PHIP: variants seen among roughly 807,000 people sequenced by gnomAD.
PHIP encodes the protein PHIP subunit of CUL4-Ring ligase complex.
PHIP carries 54 observed loss-of-function variants against 236.8 expected under a neutral mutation model. That is an observed-to-expected ratio of 0.23 (90% CI 0.18 to 0.29). The LOEUF (loss-of-function observed/expected upper bound fraction) is 0.29. Among genes scored for constraint, PHIP ranks in the 10% least tolerant of loss-of-function variants. The probability of loss-of-function intolerance (pLI) is 1.00; values close to 1 mark genes in which losing one functional copy is unlikely to be tolerated. For synonymous variants in PHIP, 756 were observed against 718.9 expected (o/e 1.05, Z -0.83); for missense variants, 1,370 against 2,190.8 (o/e 0.63, Z 7.48).
intron 15 of PHIP, among the ~76,000 whole-genome samples, chr6:79,005,667 GA>G (rs944338994): frequency 2.0e-4 from 31 of 151,940 alleles, no homozygotes; most frequent in Non-Finnish European, 4.0e-4. Context: ...AATGTTTCCA[GA>G]AGTATAATTA....
At chr6:78,992,442 C>A (rs1769326974) in intron 19 of PHIP, among the ~76,000 whole-genome samples, 2 of 151,892 alleles carry the variant, frequency 1.3e-5, no homozygotes, top group Non-Finnish European at 2.9e-5. Flanking sequence ...TGTGTGTGTA[C>A]ACAGGCATAC....
intron 4 of PHIP, among the ~76,000 whole-genome samples, chr6:79,076,361 C>G (rs1774160759): frequency 1.3e-5 from 2 of 152,126 alleles, no homozygotes; most frequent in Admixed American, 1.3e-4. Flanking sequence ...TTACAAAAGC[C>G]TCATAAAATC....
In PHIP at chr6:79,015,790, G is replaced by A. The variant is rs1467299223; in HGVS notation, c.1236-7C>T. ...TATTCCTTGAAGGTTTTGGCTGAAA[G>A]TGAGGAAGTGTTTTACACTGACTAT... On this transcript the variant is annotated splice_region_variant and splice_polypyrimidine_tract_variant and intron_variant, in intron 13 of 39. Transcript: ENST00000275034. 8 of 1,603,794 alleles carry A rather than the reference G, an allele frequency of 5.0e-6. No homozygotes were observed. In the South Asian group the frequency reaches 8.9e-5, roughly 18 times the overall value.
chr6:78,978,598 A>AC lies in PHIP; in HGVS notation c.2882dup (p.Asp962Ter). The AC allele has an allele frequency of 6.3e-7, 1 of 1,589,118 alleles. No individual in the cohort carries two copies. The highest frequency in any genetic ancestry group is 8.6e-7 in the Non-Finnish European group (1 of 1,163,168). On this transcript the variant is annotated frameshift_variant, in exon 24 of 40. Coordinates refer to ENST00000275034, the MANE Select transcript of PHIP (RefSeq NM_017934.7). LOFTEE classifies it high-confidence loss of function. ...TTTAAAACTTTTAAAGTACCTCATC[A>AC]CCCATCTGTGGCACAAATGGACATC... is the stretch of plus-strand genomic sequence containing the variant.
intron 17 of PHIP, among the ~76,000 whole-genome samples, chr6:79,000,397 G>A (rs1401627411): frequency 4.6e-5 from 7 of 152,026 alleles, no homozygotes; most frequent in Admixed American, 4.6e-4. Flanking sequence ...TAGAGTCCCT[G>A]TGATTCTATG....
intron 4 of PHIP, among the ~76,000 whole-genome samples, chr6:79,073,780 G>C (rs1287018790): frequency 1.3e-5 from 2 of 152,206 alleles, no homozygotes; most frequent in East Asian, 1.9e-4. Flanking sequence ...TTACAACGTA[G>C]TTAGTGTCTC....
At position 79,001,372 on chromosome 6, in the gene PHIP, G is replaced by GT. The variant is rs529039145; in HGVS notation, c.1879+526dup. ...TCCTCTTATAAACCTTTAAAAGTTG[G>GT]TAACTTTTTAAAACATCTTCAATGT... On this transcript the variant is annotated intron_variant, in intron 17 of 39. Coordinates refer to ENST00000275034, the MANE Select transcript of PHIP (RefSeq NM_017934.7). 2.6e-3 allele frequency among the ~76,000 whole-genome samples: 396 copies of GT among 152,138 alleles called. 2 individuals carry two copies. Among genetic ancestry groups the GT allele is most frequent in the Middle Eastern group, 0.02 (6 of 294 alleles).
chr6:78,974,748 T>A (rs1767916775), intron 24 of PHIP, among the ~76,000 whole-genome samples: 1 of 152,034 alleles, frequency 6.6e-6, no homozygotes, highest in South Asian at 2.1e-4. Context: ...CAAACACTTC[T>A]ACGCAAATAA....
chr6:78,989,673 TTTTA>T (rs1034626504), intron 20 of PHIP, among the ~76,000 whole-genome samples: 2 of 152,168 alleles, frequency 1.3e-5, no homozygotes, highest in African/African-American at 4.8e-5. Context: ...ATATCATTCC[TTTTA>T]TTTCTTAAAA....
chr6:78,951,717 G>GT (rs1216036825), intron 35 of PHIP, among the ~76,000 whole-genome samples: 1 of 152,160 alleles, frequency 6.6e-6, no homozygotes, highest in Non-Finnish European at 1.5e-5. Flanking sequence ...TTTTGAACAT[G>GT]TAAAAGATGA....
chr6:79,035,476 T>C (rs1035345065), intron 7 of PHIP, among the ~76,000 whole-genome samples: 6 of 152,180 alleles, frequency 3.9e-5, no homozygotes, highest in Non-Finnish European at 7.4e-5. Context: ...AAGAGAGGCA[T>C]AAATTATACA....
intron 9 of PHIP, among the ~76,000 whole-genome samples, chr6:79,024,621 G>C (rs1055820891): frequency 6.6e-6 from 1 of 152,040 alleles, no homozygotes; most frequent in Non-Finnish European, 1.5e-5. Flanking sequence ...TGGCTAACAC[G>C]GTGAAACCCT....
At position 79,015,647 on chromosome 6, in the gene PHIP, G is replaced by T. The variant is rs374784651; in HGVS notation, c.1372C>A (p.Leu458Ile). Residue 458 changes from leucine (L) to isoleucine (I), a missense_variant, in exon 14 of 40, where the codon CTA becomes ATA. This residue lies in a region of PHIP where 188 missense variants were observed against 354.3 expected (regional missense o/e 0.53). Transcript: ENST00000275034. ...LKVWNSYTGQ[L>I]IHVLMGHEDE... The stretch of plus-strand genomic sequence containing the variant: ...TTTCTCACCATCAGGACATGAATTA[G>T]TTGACCAGTGTAAGAATTCCAAACT... The T allele has an allele frequency of 6.2e-7, 1 of 1,604,172 alleles. No homozygotes were observed. The highest frequency in any genetic ancestry group is 1.3e-5 in the African/African-American group (1 of 74,406).
intron 15 of PHIP, among the ~76,000 whole-genome samples, chr6:79,011,590 A>G (rs1206658617): frequency 6.6e-6 from 1 of 151,732 alleles, no homozygotes; most frequent in African/African-American, 2.4e-5. Flanking sequence ...TATACTTCTT[A>G]TAAGTAACAA....
In PHIP at chr6:79,069,029, A is replaced by G. The variant is rs147657504; in HGVS notation, c.190-8211T>C. On this transcript the variant is annotated intron_variant, in intron 4 of 39. Transcript: ENST00000275034. ...CTATTCTCTCACAGTTTTGTCAGAT[A>G]TAAAAGGCTAGTTACACTTCTGCTC... Among the ~76,000 whole-genome samples the G allele has an allele frequency of 1.1e-4, 16 of 152,064 alleles. No individual in the cohort carries two copies. In the East Asian group the frequency reaches 3.1e-3, roughly 29 times the overall value.
At chr6:79,002,705 C>T (rs1438868080) in intron 16 of PHIP, among the ~76,000 whole-genome samples, 4 of 151,994 alleles carry the variant, frequency 2.6e-5, no homozygotes, top group Non-Finnish European at 5.9e-5. Context: ...GAAAAGCTAC[C>T]ACTAAAAATA....
intron 24 of PHIP, among the ~76,000 whole-genome samples, chr6:78,974,160 A>G (rs1767852873): frequency 1.3e-5 from 2 of 152,106 alleles, no homozygotes; most frequent in African/African-American, 2.4e-5. Context: ...AAAGAACAGA[A>G]ATTATAACAA....
chr6:78,973,852 A>G (rs1308294793), intron 24 of PHIP, among the ~76,000 whole-genome samples: 1 of 151,772 alleles, frequency 6.6e-6, no homozygotes, highest in Non-Finnish European at 1.5e-5. Context: ...TGCACCCAAT[A>G]CAGGAGCACC....
At chr6:79,039,736 C>T (rs1033425678) in intron 7 of PHIP, among the ~76,000 whole-genome samples, 1 of 152,086 alleles carries the variant, frequency 6.6e-6, no homozygotes, top group South Asian at 2.1e-4. Context: ...GTTCCATGTA[C>T]TTTTGAGTGC....
Sources: allele counts gnomAD v4.1 joint callset (sites outside exome capture counted in the v4.1 genomes callset), GRCh38; gene constraint gnomAD v4.1.1; regional missense constraint gnomAD v4.1.1; transcripts MANE v1.5; gene names NCBI Gene and HGNC (gene_info 2026-07-23, HGNC 2026-07-21).